The following NBEA variants were observed in gnomAD, a reference collection of about 807,000 sequenced individuals.
The protein encoded by NBEA is neurobeachin.
In NBEA, 44 loss-of-function variants were observed where a neutral mutation model predicts 343.4. The observed-to-expected ratio is 0.13, with a 90% CI of 0.10 to 0.16. NBEA has a LOEUF of 0.16. Among genes scored for constraint, NBEA ranks in the 10% least tolerant of loss-of-function variants. The pLI, the probability that NBEA is intolerant of heterozygous loss-of-function variation, is 1.00. For missense variants in NBEA, 2,555 were observed against 3,631.3 expected (o/e 0.70, Z 7.62); for synonymous variants, 1,175 against 1,238.7 (o/e 0.95, Z 1.08).
intron 1 of NBEA, among the ~76,000 whole-genome samples, chr13:35,016,836 T>G (rs1264109447): frequency 6.6e-6 from 1 of 152,048 alleles, no homozygotes; most frequent in Non-Finnish European, 1.5e-5. Flanking sequence ...TAAGAGCATG[T>G]TAGAAAGAAG....
chr13:35,311,858 A>C (rs774203182), intron 36 of NBEA, among the ~76,000 whole-genome samples: 1 of 151,866 alleles, frequency 6.6e-6, no homozygotes, highest in Non-Finnish European at 1.5e-5. Flanking sequence ...TCGTCCCCCC[A>C]CCAAAAAAAA....
chr13:35,088,890 C>T (rs2064915713), intron 10 of NBEA, among the ~76,000 whole-genome samples: 1 of 143,522 alleles, frequency 7.0e-6, no homozygotes, highest in East Asian at 2.0e-4. Context: ...CTTCCTTACA[C>T]CTTATACAAA....
At chr13:35,665,279 C>G in intron 56 of NBEA, 93 bp downstream of exon 56, 2 of 1,032,024 alleles carry the variant, frequency 1.9e-6, no homozygotes, top group Non-Finnish European at 2.9e-6. Flanking sequence ...CAGGAAGCTT[C>G]CCATAGACAA....
At chr13:35,263,241 A>G (rs2033368550) in intron 34 of NBEA, among the ~76,000 whole-genome samples, 1 of 151,452 alleles carries the variant, frequency 6.6e-6, no homozygotes, top group Non-Finnish European at 1.5e-5. Context: ...TTTTCAACAG[A>G]TGGGAAAAGT....
At chr13:35,417,783 A>G (rs2044016936) in intron 38 of NBEA, among the ~76,000 whole-genome samples, 3 of 152,064 alleles carry the variant, frequency 2.0e-5, no homozygotes, top group South Asian at 4.1e-4. Flanking sequence ...CAATTCCTGG[A>G]TATCCTTGTT....
At chr13:34,981,936 A>G (rs1310457400) in intron 1 of NBEA, among the ~76,000 whole-genome samples, 2 of 151,600 alleles carry the variant, frequency 1.3e-5, no homozygotes, top group African/African-American at 4.8e-5. Context: ...CCAGATATTG[A>G]TAATTTATGT....
intron 56 of NBEA, among the ~76,000 whole-genome samples, chr13:35,665,762 G>C (rs966417301): frequency 4.6e-5 from 7 of 152,138 alleles, no homozygotes. Context: ...TAGTAGCTGG[G>C]ATTACAGGCG....
At chr13:35,182,572 T>G (rs751296062) in intron 29 of NBEA, 44 bp downstream of exon 29, 1 of 1,539,786 alleles carries the variant, frequency 6.5e-7, no homozygotes, top group African/African-American at 1.4e-5. Context: ...CCATGATGTA[T>G]CTCCTTTTTT....
At chr13:35,513,303 T>TG (rs2077358727) in intron 41 of NBEA, among the ~76,000 whole-genome samples, 1 of 43,904 alleles carries the variant, frequency 2.3e-5, no homozygotes, top group African/African-American at 1.1e-4. Context: ...CACCTGGCAA[T>TG]TTTTTTTTTT....
intron 10 of NBEA, among the ~76,000 whole-genome samples, chr13:35,083,917 G>C (rs2064574381): frequency 6.6e-6 from 1 of 152,124 alleles, no homozygotes; most frequent in African/African-American, 2.4e-5. Flanking sequence ...AAAAGGCGGA[G>C]ATTGTGATCC....
chr13:35,524,791 G>C (rs560278251), intron 41 of NBEA, among the ~76,000 whole-genome samples: 1 of 152,194 alleles, frequency 6.6e-6, no homozygotes, highest in Non-Finnish European at 1.5e-5. Flanking sequence ...TCTAAATAAA[G>C]GCTTATTTAC....
At chr13:35,284,577 A>G (rs2035294456) in intron 34 of NBEA, among the ~76,000 whole-genome samples, 1 of 152,134 alleles carries the variant, frequency 6.6e-6, no homozygotes, top group African/African-American at 2.4e-5. Flanking sequence ...TAACTAATCT[A>G]CCTATATACA....
At chr13:35,319,997 A>G (rs905789832) in intron 36 of NBEA, among the ~76,000 whole-genome samples, 1 of 151,964 alleles carries the variant, frequency 6.6e-6, no homozygotes, top group East Asian at 1.9e-4. Flanking sequence ...CTTTGCACGT[A>G]TGATGGGTCT....
intron 41 of NBEA, chr13:35,475,692 T>C (rs765196063): frequency 1.9e-6 from 3 of 1,613,692 alleles, no homozygotes; most frequent in Admixed American, 3.3e-5. Flanking sequence ...CCACCATCTT[T>C]ACCACATCCC....
chr13:35,034,719 A>G (rs935903362), intron 1 of NBEA, among the ~76,000 whole-genome samples: 5 of 151,756 alleles, frequency 3.3e-5, no homozygotes, highest in African/African-American at 1.2e-4. Context: ...GCTTGTTATT[A>G]ATCTGTTCAG....
intron 41 of NBEA, among the ~76,000 whole-genome samples, chr13:35,519,724 C>G (rs2077624710): frequency 6.6e-6 from 1 of 151,920 alleles, no homozygotes; most frequent in African/African-American, 2.4e-5. Context: ...GTGTAATGAT[C>G]AAATCTGAAT....
intron 46 of NBEA, among the ~76,000 whole-genome samples, chr13:35,592,741 G>T (rs2081592948): frequency 1.3e-5 from 2 of 152,036 alleles, no homozygotes; most frequent in South Asian, 4.1e-4. Flanking sequence ...AACAAATTAG[G>T]TAGTTTAGAC....
intron 41 of NBEA, among the ~76,000 whole-genome samples, chr13:35,538,239 A>C (rs1377422975): frequency 6.6e-6 from 1 of 152,198 alleles, no homozygotes; most frequent in Non-Finnish European, 1.5e-5. Flanking sequence ...AAATTTGTTT[A>C]TGTTTCATAT....
chr13:35,037,638 C>A (rs1319889506), intron 1 of NBEA, among the ~76,000 whole-genome samples: 5 of 152,290 alleles, frequency 3.3e-5, no homozygotes, highest in Non-Finnish European at 7.3e-5. Context: ...CTCTAGATTA[C>A]CAGGCAGAAT....
Sources: allele counts gnomAD v4.1 joint callset (sites outside exome capture counted in the v4.1 genomes callset), GRCh38; gene constraint gnomAD v4.1.1; transcripts MANE v1.5; gene names NCBI Gene and HGNC (gene_info 2026-07-23, HGNC 2026-07-21).